AFF3: variants seen among roughly 807,000 people sequenced by gnomAD.
AFF3 encodes the protein ALF transcription elongation factor 3.
Under a neutral mutation model 129.7 loss-of-function variants are expected in AFF3, and 32 were observed. That is an observed-to-expected ratio of 0.25 (90% CI 0.19 to 0.33). AFF3 has a LOEUF of 0.33. Ranked by LOEUF, AFF3 falls within the 10% of genes least tolerant of loss-of-function variation. The pLI is 1.00. For missense variants in AFF3, 1,373 were observed against 1,592.0 expected (o/e 0.86, Z 2.34); for synonymous variants, 644 against 635.4 (o/e 1.01, Z -0.20).
At chr2:100,087,511 A>G (rs1490190958) in intron 4 of AFF3, among the ~76,000 whole-genome samples, 1 of 151,964 alleles carries the variant, frequency 6.6e-6, no homozygotes, top group Non-Finnish European at 1.5e-5. Flanking sequence ...ATCATTACAT[A>G]AAAGTTTCTG....
chr2:99,901,117 A>G (rs1694316597), intron 7 of AFF3, among the ~76,000 whole-genome samples: 1 of 152,242 alleles, frequency 6.6e-6, no homozygotes, highest in Admixed American at 6.5e-5. Flanking sequence ...ACGCATTGCA[A>G]AAAGTCTCTC....
intron 7 of AFF3, among the ~76,000 whole-genome samples, chr2:99,837,941 A>G (rs117353935): frequency 3.3e-5 from 5 of 152,332 alleles, no homozygotes; most frequent in East Asian, 3.9e-4. Flanking sequence ...AAGTACCACA[A>G]TGGTTGCTAC....
chr2:99,567,132 TC>T (rs1363129373), intron 19 of AFF3, among the ~76,000 whole-genome samples: 17 of 125,830 alleles, frequency 1.4e-4, no homozygotes, highest in African/African-American at 6.6e-4. Context: ...CACACCTGGC[TC>T]ATTTTTTTTT....
intron 7 of AFF3, among the ~76,000 whole-genome samples, chr2:99,945,590 A>G (rs1038448722): frequency 6.6e-6 from 1 of 152,186 alleles, no homozygotes; most frequent in Non-Finnish European, 1.5e-5. Flanking sequence ...ACCTCCTGCT[A>G]TCTAGCAGGG....
intron 4 of AFF3, among the ~76,000 whole-genome samples, chr2:100,037,706 A>T (rs1685068003): frequency 8.0e-6 from 1 of 125,588 alleles, no homozygotes; most frequent in Non-Finnish European, 1.6e-5. Context: ...TATATATTAT[A>T]TATTTATATA....
In AFF3 at chr2:99,692,932, AG is replaced by A. The variant is rs1675822847; in HGVS notation, c.1092-20344del. ...TGTAGGGCTCTGAGACTCTCTGAAC[AG>A]GTACCTCTATCACAGCTCCTGTCAC... On this transcript the variant is annotated intron_variant, in intron 11 of 24. Coordinates refer to ENST00000672756, the MANE Select transcript of AFF3 (RefSeq NM_001386135.1). Among the ~76,000 whole-genome samples, 4 of 152,360 alleles carry A rather than the reference AG, an allele frequency of 2.6e-5. No individual in the cohort carries two copies. The South Asian group carries it at 8.3e-4, about 32-fold the overall frequency.
intron 8 of AFF3, among the ~76,000 whole-genome samples, chr2:99,777,947 C>CAAAAAAAAAAAAAAAGA (rs1684053156): frequency 2.1e-5 from 1 of 48,338 alleles, no homozygotes; most frequent in African/African-American, 7.3e-5. Context: ...AAAGCAAAAG[C>CAAAAAAAAAAAAAAAGA]AAAAAAAAAA....
At chr2:99,639,920 T>C (rs1684029921) in intron 13 of AFF3, among the ~76,000 whole-genome samples, 1 of 152,096 alleles carries the variant, frequency 6.6e-6, no homozygotes, top group Admixed American at 6.5e-5. Context: ...CTTGAACTCC[T>C]GGCCTCGAGT....
chr2:99,642,272 T>C (rs766881343), intron 13 of AFF3, among the ~76,000 whole-genome samples: 5 of 152,092 alleles, frequency 3.3e-5, no homozygotes, highest in Admixed American at 1.3e-4. Flanking sequence ...AATTTAATTA[T>C]ACTGAGTGGT....
At chr2:99,650,571 A>G (rs1248674646) in intron 12 of AFF3, among the ~76,000 whole-genome samples, 1 of 151,948 alleles carries the variant, frequency 6.6e-6, no homozygotes, top group African/African-American at 2.4e-5. Flanking sequence ...AAAATAAATA[A>G]ATAAAATAAA....
intron 4 of AFF3, among the ~76,000 whole-genome samples, chr2:100,035,532 A>G (rs1036352865): frequency 6.6e-6 from 1 of 152,218 alleles, no homozygotes; most frequent in African/African-American, 2.4e-5. Flanking sequence ...GAAGAAGCAC[A>G]TGGGAGCAGA....
At chr2:99,914,040 A>G (rs891234563) in intron 7 of AFF3, among the ~76,000 whole-genome samples, 2 of 152,186 alleles carry the variant, frequency 1.3e-5, no homozygotes, top group South Asian at 4.1e-4. Context: ...ACGAATGCTA[A>G]AAGTAATGTC....
At chr2:99,850,841 G>C (rs1338249637) in intron 7 of AFF3, among the ~76,000 whole-genome samples, 5 of 152,138 alleles carry the variant, frequency 3.3e-5, no homozygotes, top group Non-Finnish European at 7.4e-5. Context: ...TGAAATAAGA[G>C]TCATTATAGC....
chr2:99,787,785 G>A (rs956249326), intron 8 of AFF3, among the ~76,000 whole-genome samples: 3 of 152,178 alleles, frequency 2.0e-5, no homozygotes, highest in Non-Finnish European at 2.9e-5. Flanking sequence ...GGAGTTTGCT[G>A]AGAGGCTCAG....
intron 10 of AFF3, among the ~76,000 whole-genome samples, chr2:99,736,853 G>T (rs906082644): frequency 6.6e-6 from 1 of 151,796 alleles, no homozygotes; most frequent in Non-Finnish European, 1.5e-5. Context: ...CAAGTGATCT[G>T]CCCACCTCGG....
intron 13 of AFF3, among the ~76,000 whole-genome samples, chr2:99,632,251 G>A (rs1242755871): frequency 6.6e-6 from 1 of 152,048 alleles, no homozygotes; most frequent in African/African-American, 2.4e-5. Context: ...CTGGCCTCAG[G>A]TGATCTGCCC....
At chr2:99,621,056 A>AT (rs1681954026) in intron 13 of AFF3, among the ~76,000 whole-genome samples, 1 of 152,216 alleles carries the variant, frequency 6.6e-6, no homozygotes. Flanking sequence ...ATGCAAATAG[A>AT]TTAACACACC....
chr2:99,814,853 CTT>C (rs34474594), intron 8 of AFF3, among the ~76,000 whole-genome samples: 9 of 143,514 alleles, frequency 6.3e-5, no homozygotes, highest in Admixed American at 2.1e-4. Context: ...TTTAATTATA[CTT>C]TTTTTTTTTT....
At chr2:99,815,670 C>A (rs1225922428) in intron 8 of AFF3, among the ~76,000 whole-genome samples, 1 of 151,312 alleles carries the variant, frequency 6.6e-6, no homozygotes, top group Non-Finnish European at 1.5e-5. Flanking sequence ...ACGTCTGAAG[C>A]ATATTTTTGC....
Sources: gnomAD v4.1 joint callset for allele counts (sites outside exome capture counted in the v4.1 genomes callset) on GRCh38, gnomAD v4.1.1 for gene constraint, MANE v1.5 for transcripts, NCBI Gene and HGNC (gene_info 2026-07-23, HGNC 2026-07-21) for gene names.